Variants in FRMD4A observed in about 807,000 individuals in gnomAD.
The protein encoded by FRMD4A is FERM domain-containing protein 4A.
FRMD4A carries 29 observed loss-of-function variants against 129.1 expected under a neutral mutation model. The ratio of observed to expected loss-of-function variants is 0.22; its 90% confidence interval spans 0.17 to 0.31. The LOEUF (loss-of-function observed/expected upper bound fraction) is 0.31. FRMD4A is among the 10% of genes least tolerant of loss of function. The probability of loss-of-function intolerance (pLI) is 1.00; values close to 1 mark genes in which losing one functional copy is unlikely to be tolerated. For synonymous variants in FRMD4A, 634 were observed against 571.6 expected (o/e 1.11, Z -1.56); for missense variants, 1,272 against 1,375.8 (o/e 0.92, Z 1.19).
At chr10:13,856,920 A>C (rs1433059367) in intron 3 of FRMD4A, among the ~76,000 whole-genome samples, 1 of 152,128 alleles carries the variant, frequency 6.6e-6, no homozygotes, top group Non-Finnish European at 1.5e-5. Flanking sequence ...AAGCATGTAA[A>C]ATACACCAGA....
chr10:14,097,233 T>C (rs1027186005), intron 2 of FRMD4A: 1 of 151,558 alleles, frequency 6.6e-6, no homozygotes, highest in Admixed American at 6.6e-5. Context: ...ATTCTCTATC[T>C]ATAGTAAATT....
In FRMD4A at chr10:14,056,396, G is replaced by A. The variant is rs566947044; in HGVS notation, c.46-197484C>T. On this transcript the variant is annotated intron_variant, in intron 2 of 24. Transcript: ENST00000357447. ...CATCCCCACCTCTCCCCAACCCCCC[G>A]TGATTGAAAAAAAAATTTAAAGTTT... is the stretch of plus-strand genomic sequence containing the variant. Among the ~76,000 whole-genome samples the A allele has an allele frequency of 2.7e-5, 4 of 148,276 alleles. No homozygotes were observed. In the South Asian group the frequency reaches 6.5e-4, roughly 24 times the overall value.
chr10:13,681,089 C>A (rs868679470), intron 15 of FRMD4A, among the ~76,000 whole-genome samples: 1 of 152,214 alleles, frequency 6.6e-6, no homozygotes, highest in Non-Finnish European at 1.5e-5. Flanking sequence ...ACAACTTACT[C>A]GGATAGTTCC....
intron 6 of FRMD4A, among the ~76,000 whole-genome samples, chr10:13,772,565 A>T (rs2092487928): frequency 6.6e-6 from 1 of 152,210 alleles, no homozygotes; most frequent in African/African-American, 2.4e-5. Flanking sequence ...CAGTTCGCAG[A>T]GGCTGCACAC....
At chr10:13,687,572 A>G (rs893343662) in intron 15 of FRMD4A, among the ~76,000 whole-genome samples, 1 of 152,218 alleles carries the variant, frequency 6.6e-6, no homozygotes, top group African/African-American at 2.4e-5. Flanking sequence ...TTCTTTTTTT[A>G]AAAGACCCTG....
In FRMD4A at chr10:13,730,152, G is replaced by C. The variant is rs182876556; in HGVS notation, c.759+7692C>G. 5.1e-4 allele frequency among the ~76,000 whole-genome samples: 78 copies of C among 152,286 alleles called. No homozygotes were observed. In the Middle Eastern group the frequency reaches 0.01, roughly 20 times the overall value. Reference sequence around the variant, plus strand: ...AGTTACTGACGCTGCAAACAAGGCAGATTGTCCCAGAGATTAGAGCTCTCA... The same window carrying C: ...AGTTACTGACGCTGCAAACAAGGCACATTGTCCCAGAGATTAGAGCTCTCA... On this transcript the variant is annotated intron_variant, in intron 12 of 24. Transcript: ENST00000357447.
At chr10:13,853,277 C>T (rs1037808077) in intron 3 of FRMD4A, among the ~76,000 whole-genome samples, 2 of 152,170 alleles carry the variant, frequency 1.3e-5, no homozygotes, top group African/African-American at 2.4e-5. Context: ...CAGTGGCTCA[C>T]GCCTGCCATC....
At chr10:14,205,573 G>A (rs547136464) in intron 2 of FRMD4A, among the ~76,000 whole-genome samples, 1 of 152,150 alleles carries the variant, frequency 6.6e-6, no homozygotes, top group East Asian at 1.9e-4. Flanking sequence ...TTGGGAGGCC[G>A]AGGTGGGTGG....
chr10:14,265,992 A>C (rs1043072108), intron 2 of FRMD4A, among the ~76,000 whole-genome samples: 1 of 152,176 alleles, frequency 6.6e-6, no homozygotes, highest in Non-Finnish European at 1.5e-5. Flanking sequence ...CAAGGTGTCA[A>C]TTGGGCCAAA....
chr10:14,229,224 AC>A (rs1328449217), intron 2 of FRMD4A, among the ~76,000 whole-genome samples: 1 of 151,940 alleles, frequency 6.6e-6, no homozygotes, highest in Non-Finnish European at 1.5e-5. Flanking sequence ...TTTTTTAAAA[AC>A]CTACTTAAGA....
rs149044688 is a variant in FRMD4A, at chr10:14,219,377, T to A, written c.45+110681A>T. Among the ~76,000 whole-genome samples the A allele has an allele frequency of 3.9e-5, 6 of 152,294 alleles. No individual in the cohort carries two copies. In the East Asian group the frequency reaches 1.2e-3, roughly 29 times the overall value. On this transcript the variant is annotated intron_variant, in intron 2 of 24. Transcript: ENST00000357447. ...CCTATGTCAGGACTGACAAGTGAAA[T>A]TAGGTAATCCACAACCTCCCACAAA...
intron 2 of FRMD4A, among the ~76,000 whole-genome samples, chr10:13,978,187 G>T (rs1565149203): frequency 6.6e-6 from 1 of 152,158 alleles, no homozygotes; most frequent in African/African-American, 2.4e-5. Flanking sequence ...AGTGTTAAGT[G>T]GTGGTGTTCT....
chr10:14,306,337 C>A (rs966903241), intron 2 of FRMD4A, among the ~76,000 whole-genome samples: 1 of 152,158 alleles, frequency 6.6e-6, no homozygotes, highest in African/African-American at 2.4e-5. Context: ...CTGTTCCCAA[C>A]ACAGAGAGGT....
chr10:14,098,264 T>C (rs1837105515), intron 2 of FRMD4A, among the ~76,000 whole-genome samples: 1 of 151,298 alleles, frequency 6.6e-6, no homozygotes, highest in Admixed American at 6.6e-5. Context: ...AGTAAATCCA[T>C]TCCTGTACAT....
intron 8 of FRMD4A, among the ~76,000 whole-genome samples, chr10:13,749,958 GA>G (rs1290242518): frequency 1.4e-5 from 2 of 138,820 alleles, no homozygotes; most frequent in Non-Finnish European, 3.1e-5. Context: ...TATCAAGAAA[GA>G]AAAGAAAAGA....
chr10:13,780,632 C>T (rs2092710285), intron 6 of FRMD4A, among the ~76,000 whole-genome samples: 1 of 152,190 alleles, frequency 6.6e-6, no homozygotes, highest in Non-Finnish European at 1.5e-5. Context: ...CAATGAGATA[C>T]ACCTCACACC....
At chr10:13,698,946 C>G (rs937833681) in intron 14 of FRMD4A, among the ~76,000 whole-genome samples, 1 of 152,028 alleles carries the variant, frequency 6.6e-6, no homozygotes, top group Non-Finnish European at 1.5e-5. Context: ...TCTTCAGTCC[C>G]CAAGGGTTAC....
chr10:14,016,226 T>C (rs900184370), intron 2 of FRMD4A, among the ~76,000 whole-genome samples: 1 of 152,178 alleles, frequency 6.6e-6, no homozygotes, highest in African/African-American at 2.4e-5. Context: ...CACGTGCTAA[T>C]TGGACATCCC....
At chr10:14,105,323 T>C (rs150257030) in intron 2 of FRMD4A, among the ~76,000 whole-genome samples, 24 of 152,262 alleles carry the variant, frequency 1.6e-4, no homozygotes, top group African/African-American at 5.5e-4. Flanking sequence ...CCCAGCACTT[T>C]GGGTGGCCAA....
Sources: gnomAD v4.1 joint callset for allele counts (sites outside exome capture counted in the v4.1 genomes callset) on GRCh38, gnomAD v4.1.1 for gene constraint, MANE v1.5 for transcripts, NCBI Gene and HGNC (gene_info 2026-07-23, HGNC 2026-07-21) for gene names.